Variants in FOXP1 observed in about 807,000 individuals in gnomAD.
The protein encoded by FOXP1 is forkhead box P1.
In FOXP1, 15 loss-of-function variants were observed where a neutral mutation model predicts 98.2. The observed-to-expected ratio is 0.15, with a 90% CI of 0.10 to 0.24. FOXP1 has a LOEUF of 0.24. Among genes scored for constraint, FOXP1 ranks in the 10% least tolerant of loss-of-function variants. The pLI is 1.00. For missense variants in FOXP1, 633 were observed against 848.5 expected, an observed-to-expected ratio of 0.75 and a Z score of 3.15; for synonymous variants, 371 against 314.5, an observed-to-expected ratio of 1.18 and a Z score of -1.90.
intron 4 of FOXP1, among the ~76,000 whole-genome samples, chr3:71,315,609 C>A (rs763049441): frequency 3.3e-5 from 5 of 152,152 alleles, no homozygotes; most frequent in African/African-American, 7.2e-5. Context: ...TCCAGGCAAG[C>A]CACTCCTCTG....
At chr3:71,264,024 T>C (rs1479928260) in intron 5 of FOXP1, among the ~76,000 whole-genome samples, 1 of 152,092 alleles carries the variant, frequency 6.6e-6, no homozygotes, top group African/African-American at 2.4e-5. Flanking sequence ...TTGTTGTAAG[T>C]ACAGGAGTGA....
intron 5 of FOXP1, among the ~76,000 whole-genome samples, chr3:71,245,571 T>G (rs77079503): frequency 0.17 from 10,208 of 61,768 alleles, 527 homozygotes; most frequent in East Asian, 0.42. Context: ...ACCCACCCCC[T>G]CCCCATCTTT....
intron 2 of FOXP1, among the ~76,000 whole-genome samples, chr3:71,503,429 C>T (rs954314991): frequency 2.6e-5 from 4 of 151,952 alleles, no homozygotes; most frequent in Non-Finnish European, 5.9e-5. Context: ...GATGAAACCC[C>T]ATCTCTACTA....
intron 2 of FOXP1, among the ~76,000 whole-genome samples, chr3:71,532,602 A>G (rs1273966809): frequency 1.3e-5 from 2 of 152,232 alleles, no homozygotes; most frequent in African/African-American, 4.8e-5. Flanking sequence ...AAAATAACTT[A>G]TTAAAACTCA....
intron 3 of FOXP1, among the ~76,000 whole-genome samples, chr3:71,432,239 C>T (rs766965063): frequency 6.6e-6 from 1 of 152,192 alleles, no homozygotes; most frequent in African/African-American, 2.4e-5. Flanking sequence ...CACGGCTGAC[C>T]TTGTCGTGGC....
chr3:71,464,137 G>T (rs1226503794), intron 3 of FOXP1, among the ~76,000 whole-genome samples: 5 of 152,154 alleles, frequency 3.3e-5, no homozygotes, highest in African/African-American at 1.2e-4. Context: ...AATTAGCTGG[G>T]CGTGATGGCA....
In FOXP1 at chr3:71,185,156, G is replaced by A. The variant is rs9855941; in HGVS notation, c.180+13046C>T. ...TGCAGTGAGCCGAGATCAAGCCATT[G>A]CACTCTAGACTGGATGACAGACCAC... On this transcript the variant is annotated intron_variant, in intron 6 of 20. Transcript: ENST00000649528. Among the ~76,000 whole-genome samples the A allele has an allele frequency of 7.6e-3, 1,151 of 152,148 alleles. 13 individuals are homozygous for A. Among genetic ancestry groups the A allele is most frequent in the African/African-American group, 0.026 (1,091 of 41,478 alleles).
At chr3:71,446,752 C>T (rs1283533213) in intron 3 of FOXP1, among the ~76,000 whole-genome samples, 1 of 152,232 alleles carries the variant, frequency 6.6e-6, no homozygotes, top group Non-Finnish European at 1.5e-5. Flanking sequence ...TGCACAGCTT[C>T]CAGCAGGTTT....
At chr3:71,130,073 G>A (rs917138307) in intron 6 of FOXP1, among the ~76,000 whole-genome samples, 1 of 152,196 alleles carries the variant, frequency 6.6e-6, no homozygotes, top group African/African-American at 2.4e-5. Context: ...GCAAACATCA[G>A]GGGACAATTC....
chr3:71,171,200 C>T (rs1442998060), intron 6 of FOXP1, among the ~76,000 whole-genome samples: 2 of 151,422 alleles, frequency 1.3e-5, no homozygotes, highest in African/African-American at 2.4e-5. Flanking sequence ...AAGTTGGCAT[C>T]GTGAGGGTTA....
chr3:71,239,310 G>A (rs1336765060), intron 5 of FOXP1, among the ~76,000 whole-genome samples: 1 of 152,116 alleles, frequency 6.6e-6, no homozygotes, highest in Non-Finnish European at 1.5e-5. Context: ...TTGGGAGGCC[G>A]AGGTAGGCAG....
At chr3:71,445,249 C>T (rs2086309528) in intron 3 of FOXP1, among the ~76,000 whole-genome samples, 1 of 152,162 alleles carries the variant, frequency 6.6e-6, no homozygotes, top group Admixed American at 6.5e-5. Flanking sequence ...AATTCAAACT[C>T]AGTTTTGCCT....
rs2032631332 is a variant in FOXP1, at chr3:70,959,340, C to G, written c.1941G>C (p.Gly647=). 6.2e-7 allele frequency: 1 copy of G among 1,613,842 alleles called. No individual in the cohort carries two copies. Among genetic ancestry groups the G allele is most frequent in the South Asian group, 1.1e-5 (1 of 91,060 alleles). ...EEPLDPEEAE[G]PLSLVTTANH... Reference sequence around the variant, plus strand: ...TGGCTGTTGTCACTAAGGACAGGGGCCCTTCAGCTTCCTCTGGATCGAGGG... The same window carrying G: ...TGGCTGTTGTCACTAAGGACAGGGGGCCTTCAGCTTCCTCTGGATCGAGGG... The change falls in exon 21 of 21, where the codon GGG becomes GGC. Residue 647 remains glycine (G), a synonymous_variant. Transcript: ENST00000649528.
At chr3:71,505,419 T>C (rs1228295261) in intron 2 of FOXP1, among the ~76,000 whole-genome samples, 3 of 79,134 alleles carry the variant, frequency 3.8e-5, no homozygotes, top group African/African-American at 8.3e-5. Context: ...GGGATGCTTT[T>C]TTTTTTTTTT....
At chr3:71,162,344 C>T (rs759025951) in intron 6 of FOXP1, among the ~76,000 whole-genome samples, 2 of 152,052 alleles carry the variant, frequency 1.3e-5, no homozygotes, top group African/African-American at 2.4e-5. Context: ...AAATACTAGC[C>T]CAGAATTCTG....
chr3:71,209,036 C>T (rs939840), intron 5 of FOXP1, among the ~76,000 whole-genome samples: 127,261 of 152,168 alleles, frequency 0.84, 53,286 homozygotes, highest in Admixed American at 0.9. Flanking sequence ...ACATTACTCA[C>T]CATCATATAA....
At chr3:71,304,828 C>A (rs1300102768) in intron 4 of FOXP1, 4 of 148,916 alleles carry the variant, frequency 2.7e-5, no homozygotes, top group Admixed American at 6.7e-5. Flanking sequence ...TATTTAAATT[C>A]TCACAGTTTC....
At chr3:71,277,008 G>C (rs1294815831) in intron 5 of FOXP1, among the ~76,000 whole-genome samples, 1 of 148,494 alleles carries the variant, frequency 6.7e-6, no homozygotes, top group Non-Finnish European at 1.5e-5. Flanking sequence ...GCCCAGGCTG[G>C]AGTGCAGTGG....
intron 3 of FOXP1, among the ~76,000 whole-genome samples, chr3:71,365,451 C>CAAAAAA (rs1209204141): frequency 1.2e-5 from 1 of 80,166 alleles, no homozygotes. Flanking sequence ...TTGCAACAAC[C>CAAAAAA]AAAAAAAAAA....
Sources: allele counts gnomAD v4.1 joint callset (sites outside exome capture counted in the v4.1 genomes callset), GRCh38; gene constraint gnomAD v4.1.1; transcripts MANE v1.5; gene names NCBI Gene and HGNC (gene_info 2026-07-23, HGNC 2026-07-21).